SLC26A11: variants seen among roughly 807,000 people sequenced by gnomAD.
The protein encoded by SLC26A11 is solute carrier family 26 member 11.
Under a neutral mutation model 62.2 loss-of-function variants are expected in SLC26A11, and 58 were observed. That is an observed-to-expected ratio of 0.93 (90% confidence interval 0.76 to 1.16). The LOEUF is 1.16. SLC26A11 is among the 50% of genes most tolerant of loss of function. The pLI is 0.00. For synonymous variants in SLC26A11, 411 were observed against 368.9 expected (o/e 1.11, Z -1.31); for missense variants, 790 against 794.3 (o/e 0.99, Z 0.06).
rs1234172672 is a variant in SLC26A11, at chr17:80,228,540, G to GT, written c.736+584dup. On this transcript the variant is annotated intron_variant, in intron 7 of 17. Transcript: ENST00000361193. The surrounding 1 kb of genome is among the most constrained non-coding windows in gnomAD (Gnocchi z 4.1). ...CTGTGGCCGTTCTCAACCTGAAGCA[G>GT]TTTTGCCCCCTGGTGACACGTGGCA... is the stretch of plus-strand genomic sequence containing the variant. Among the ~76,000 whole-genome samples the GT allele has an allele frequency of 6.6e-6, 1 of 152,200 alleles. No homozygotes were observed. Among genetic ancestry groups the GT allele is most frequent in the African/African-American group, 2.4e-5 (1 of 41,424 alleles).
chr17:80,243,784 G>A (rs1035419165), intron 10 of SLC26A11, among the ~76,000 whole-genome samples: 1 of 152,228 alleles, frequency 6.6e-6, no homozygotes, highest in African/African-American at 2.4e-5. Flanking sequence ...CGAAGGTCAA[G>A]GTTACTATGG....
chr17:80,245,341 C>T (rs944016021), intron 11 of SLC26A11, 85 bp downstream of exon 11: 1 of 1,376,672 alleles, frequency 7.3e-7, no homozygotes, highest in Non-Finnish European at 1.0e-6. Context: ...CTGCCCTGAC[C>T]CCGGCGCCCC....
rs1463620064 is a variant in SLC26A11, at chr17:80,237,043, G to C, written c.852G>C (p.Arg284=). The change falls in exon 8 of 18, where the codon CGG becomes CGC. Residue 284 remains arginine, a synonymous_variant. Coordinates refer to ENST00000361193, the MANE Select transcript of SLC26A11 (RefSeq NM_001166347.2). Reference sequence around the variant, plus strand: ...CAGCTGAGGGGCTCCCTCCAGTCCGGATCCCGCCCTTCTCAGTGACCACAG... The same window carrying C: ...CAGCTGAGGGGCTCCCTCCAGTCCGCATCCCGCCCTTCTCAGTGACCACAG... The part of the protein sequence containing the change: ...GETAEGLPPV[R]IPPFSVTTAN... 2 of 1,614,028 alleles carry C rather than the reference G, an allele frequency of 1.2e-6. No individual in the cohort carries two copies. The highest frequency in any genetic ancestry group is 2.7e-5 in the African/African-American group (2 of 75,038).
At chr17:80,251,279 G>T (rs138983772) in intron 16 of SLC26A11, 50 bp from the exon 17 acceptor site, 18,069 of 1,613,702 alleles carry the variant, frequency 0.011, 137 homozygotes, top group Non-Finnish European at 0.013. Context: ...GCCGACCCGT[G>T]TGCTACAGAG....
At chr17:80,220,533 C>T (rs567998407) in intron 1 of SLC26A11, 37 bp downstream of exon 1, 21 of 436,804 alleles carry the variant, frequency 4.8e-5, no homozygotes, top group Non-Finnish European at 6.8e-5. Context: ...GAGCGGGGAC[C>T]AGGGGCAGGG....
intron 2 of SLC26A11, 165 bp downstream of exon 2, chr17:80,221,280 A>C: frequency 4.6e-6 from 2 of 432,284 alleles, no homozygotes; most frequent in Non-Finnish European, 4.1e-6. Flanking sequence ...CTTATCTGGG[A>C]GAGTTGAGGA....
At chr17:80,230,193 CAAAA>C (rs11338645) in intron 7 of SLC26A11, among the ~76,000 whole-genome samples, 2 of 91,036 alleles carry the variant, frequency 2.2e-5, no homozygotes, top group Non-Finnish European at 2.2e-5. Flanking sequence ...GACTCCTTCT[CAAAA>C]AAAAAAAAAA....
chr17:80,252,488 C>T lies in SLC26A11; in HGVS notation c.1730-137C>T. On this transcript the variant is annotated intron_variant, in intron 17 of 17. Transcript: ENST00000361193. The surrounding 1 kb of genome is among the most constrained non-coding windows in gnomAD (Gnocchi z 5.2). ...TGAGACCCTCATGGAGTTAGTGACACTGGCCTGGGTGGCCCACAGCTCCTT... is the reference window on the plus strand; with the variant it reads ...TGAGACCCTCATGGAGTTAGTGACATTGGCCTGGGTGGCCCACAGCTCCTT... 1 of 653,224 alleles carries T rather than the reference C, an allele frequency of 1.5e-6. No individual in the cohort carries two copies. The highest frequency in any genetic ancestry group is 1.9e-5 in the South Asian group (1 of 51,296). The allele number at this position is 653,224 out of a possible 1,614,324, so 40.5% of individuals were successfully genotyped here.
Position 80,226,307 on chromosome 17 carries a change from G to A in SLC26A11, c.593+391G>A, listed in dbSNP as rs374616721. ...TTTGTTAAGGAGGAGAACACAGGGC[G>A]TGGGGAGCTAACCCAGACAGAACGC... is the stretch of plus-strand genomic sequence containing the variant. On this transcript the variant is annotated intron_variant, in intron 6 of 17. Transcript: ENST00000361193. Among the ~76,000 whole-genome samples, 998 of 152,282 alleles carry A rather than the reference G, an allele frequency of 6.6e-3. 11 individuals are homozygous for A. The highest frequency in any genetic ancestry group is 0.023 in the African/African-American group (942 of 41,540).
intron 9 of SLC26A11, among the ~76,000 whole-genome samples, chr17:80,239,081 T>G: frequency 9.0e-6 from 1 of 111,434 alleles, no homozygotes. Context: ...CCAGTAATTT[T>G]TTTTTTTTTT....
chr17:80,231,029 G>A (rs910497864), intron 7 of SLC26A11, among the ~76,000 whole-genome samples: 18 of 117,420 alleles, frequency 1.5e-4, no homozygotes, highest in Non-Finnish European at 2.9e-4. Flanking sequence ...TCCTCTCAAA[G>A]AACCACCTTT....
At position 80,237,601 on chromosome 17, in the gene SLC26A11, C is replaced by T. The variant is rs765270284; in HGVS notation, c.985+7C>T. On this transcript the variant is annotated splice_region_variant and intron_variant, in intron 9 of 17. Transcript: ENST00000361193. ...GCGGTGGCCAAAGCCTTCGGTAAGA[C>T]GCCTGTCACCCACACCCCAGGTCTC... is the stretch of plus-strand genomic sequence containing the variant. 4.5e-5 allele frequency: 73 copies of T among 1,609,270 alleles called. No homozygotes were observed. The highest frequency in any genetic ancestry group is 2.5e-4 in the Admixed American group (15 of 59,328).
intron 10 of SLC26A11, 73 bp downstream of exon 10, chr17:80,241,894 TC>T: frequency 6.6e-7 from 1 of 1,510,162 alleles, no homozygotes. Flanking sequence ...CCTCTGTGTC[TC>T]CTGCATTGTA....
rs1474166779 is a variant in SLC26A11 at position 80,246,035 on chromosome 17, C to G, written c.1098-119C>G. 3.2e-6 allele frequency: 4 copies of G among 1,266,822 alleles called. No homozygotes were observed. Among genetic ancestry groups the G allele is most frequent in the Non-Finnish European group, 4.6e-6 (4 of 868,630 alleles). 78.5% of individuals were successfully genotyped at this position (1,266,822 alleles called of 1,614,324 possible). ...GCCTCGGTCCCCTTGCAGTCCCCGC[C>G]TGCTTCCCAAGCCGTGCTGGGAGCT... On this transcript the variant is annotated intron_variant, in intron 11 of 17. Transcript: ENST00000361193. The surrounding 1 kb of genome is among the most constrained non-coding windows in gnomAD (Gnocchi z 4.4).
At chr17:80,248,469 C>A (rs1415325851) in intron 14 of SLC26A11, 106 bp from the exon 15 acceptor site, 9 of 1,324,056 alleles carry the variant, frequency 6.8e-6, no homozygotes, top group South Asian at 1.4e-5. Flanking sequence ...CTCTCCCGGT[C>A]CCCTGCAGCA....
rs1023397088 is a variant in SLC26A11, at chr17:80,223,660, C to T, written c.513+323C>T. On this transcript the variant is annotated intron_variant, in intron 5 of 17. Coordinates refer to ENST00000361193, the MANE Select transcript of SLC26A11 (RefSeq NM_001166347.2). This position sits in a 1 kb window ranked among gnomAD's most constrained non-coding sequence, Gnocchi z 4.6. Reference sequence around the variant, plus strand: ...CTGTGACGTGGCTCTGTTCTCCCTGCACTGGGCACACCCAGCAGGCCCCAC... The same window carrying T: ...CTGTGACGTGGCTCTGTTCTCCCTGTACTGGGCACACCCAGCAGGCCCCAC... 2.6e-5 allele frequency among the ~76,000 whole-genome samples: 4 copies of T among 152,236 alleles called. No homozygotes were observed. Among genetic ancestry groups the T allele is most frequent in the Non-Finnish European group, 5.9e-5 (4 of 68,040 alleles).
In SLC26A11 at chr17:80,236,970, A is replaced by G. The variant is rs749689997; in HGVS notation, c.779A>G (p.Tyr260Cys). Residue 260 changes from tyrosine (Y) to cysteine (C), a missense_variant, in exon 8 of 18, where the codon TAC (tyrosine) becomes TGC (cysteine). Physicochemically the swap from Tyr to Cys is radical, Grantham distance 194 (BLOSUM62 -2). Transcript: ENST00000361193. ...GTCTCCTTCGCAGCCCTGGTTGCGT[A>G]CTCCTTCGAGGTGACTGGATACCAG... ...LVVSFAALVA[Y>C]SFEVTGYQPF... 2.1e-5 allele frequency: 34 copies of G among 1,612,968 alleles called. No homozygotes were observed. Among genetic ancestry groups the G allele is most frequent in the Non-Finnish European group, 2.7e-5 (32 of 1,179,656 alleles).
chr17:80,247,747 C>T (rs2043046545), intron 13 of SLC26A11, among the ~76,000 whole-genome samples: 2 of 152,170 alleles, frequency 1.3e-5, no homozygotes, highest in South Asian at 2.1e-4. Flanking sequence ...GTGGAATCCC[C>T]CACAGGGCTA....
intron 10 of SLC26A11, among the ~76,000 whole-genome samples, chr17:80,243,866 C>T (rs777934695): frequency 4.8e-4 from 73 of 152,320 alleles, no homozygotes; most frequent in Middle Eastern, 3.4e-3. Context: ...AGCTGGCTGA[C>T]GTGAGCCCAT....
Sources: gnomAD v4.1 joint callset for allele counts (sites outside exome capture counted in the v4.1 genomes callset) on GRCh38, gnomAD v4.1.1 for gene constraint, Gnocchi (gnomAD v3.1) non-coding constraint, MANE v1.5 for transcripts, NCBI Gene and HGNC (gene_info 2026-07-23, HGNC 2026-07-21) for gene names.